Variants in SUMF1 observed in about 807,000 individuals in gnomAD.
SUMF1 encodes the protein sulfatase modifying factor 1.
Under a neutral mutation model 47.6 loss-of-function variants are expected in SUMF1, and 48 were observed. The ratio of observed to expected loss-of-function variants is 1.01; its 90% CI spans 0.80 to 1.28. The LOEUF is 1.28. Ranked by LOEUF, SUMF1 falls within the 50% of genes most tolerant of loss-of-function variation. The pLI is 0.00. For synonymous variants in SUMF1, 230 were observed against 192.1 expected (o/e 1.20, Z -1.63); for missense variants, 571 against 485.4 (o/e 1.18, Z -1.66).
intron 8 of SUMF1, among the ~76,000 whole-genome samples, chr3:4,147,221 T>C (rs1228149419): frequency 1.3e-5 from 2 of 152,152 alleles, no homozygotes; most frequent in African/African-American, 4.8e-5. Context: ...TTGGTGGGAC[T>C]GTAAACTAGT....
chr3:4,224,260 G>C lies in SUMF1; in HGVS notation c.1014+152070C>G, dbSNP rs73020677. Among the ~76,000 whole-genome samples the C allele has an allele frequency of 1.9e-3, 286 of 152,194 alleles. 1 individual carries two copies. The highest frequency in any genetic ancestry group is 3.1e-3 in the Non-Finnish European group (209 of 68,002). On this transcript the variant is annotated intron_variant and NMD_transcript_variant, in intron 8 of 12. Coordinates refer to the SUMF1 transcript ENST00000448413. ...TTCGCATTACTTAGGAAAAGACCTGGAAAGGGGAGAAAAAGGCAACAACTT... is the reference window on the plus strand; with the variant it reads ...TTCGCATTACTTAGGAAAAGACCTGCAAAGGGGAGAAAAAGGCAACAACTT...
intron 4 of SUMF1, among the ~76,000 whole-genome samples, 155 bp from the exon 5 acceptor site, chr3:4,418,287 C>T (rs181689391): frequency 3.3e-5 from 5 of 152,302 alleles, no homozygotes; most frequent in East Asian, 1.9e-4. Context: ...CTACATCTGT[C>T]ATGCTCCACC....
intron 8 of SUMF1, among the ~76,000 whole-genome samples, chr3:4,093,322 C>T (rs975618146): frequency 2.6e-5 from 4 of 152,036 alleles, no homozygotes; most frequent in South Asian, 2.1e-4. Context: ...CTCTTAGGCC[C>T]AAGAAATACA....
chr3:4,284,306 G>C (rs1257062924), intron 8 of SUMF1, among the ~76,000 whole-genome samples: 1 of 151,962 alleles, frequency 6.6e-6, no homozygotes, highest in African/African-American at 2.4e-5. Flanking sequence ...CAGCTACCCG[G>C]GGGGCTGAGG....
intron 9 of SUMF1, among the ~76,000 whole-genome samples, chr3:4,045,720 T>G (rs896295714): frequency 6.6e-5 from 10 of 152,092 alleles, no homozygotes; most frequent in African/African-American, 2.2e-4. Flanking sequence ...AGCTTTACAG[T>G]TTGGAAGACT....
At chr3:4,089,642 T>G (rs1692742978) in intron 8 of SUMF1, among the ~76,000 whole-genome samples, 1 of 152,120 alleles carries the variant, frequency 6.6e-6, no homozygotes, top group Admixed American at 6.5e-5. Flanking sequence ...GAATAATATA[T>G]TAGTCATTAA....
intron 8 of SUMF1, among the ~76,000 whole-genome samples, chr3:4,122,589 C>G: frequency 6.6e-6 from 1 of 152,030 alleles, no homozygotes; most frequent in South Asian, 2.1e-4. Context: ...AAACTCATGT[C>G]CACTGATATG....
At chr3:4,237,469 A>G (rs1233775119) in intron 8 of SUMF1, among the ~76,000 whole-genome samples, 1 of 151,892 alleles carries the variant, frequency 6.6e-6, no homozygotes, top group Non-Finnish European at 1.5e-5. Context: ...CCATTTTTTA[A>G]TTGGGTTGTT....
At chr3:4,073,000 C>G (rs1281161049) in intron 8 of SUMF1, among the ~76,000 whole-genome samples, 2 of 152,140 alleles carry the variant, frequency 1.3e-5, no homozygotes, top group African/African-American at 2.4e-5. Flanking sequence ...CAAAGATATT[C>G]CTCGAGAAGA....
At chr3:4,046,556 G>T (rs1242546398) in intron 9 of SUMF1, among the ~76,000 whole-genome samples, 1 of 152,046 alleles carries the variant, frequency 6.6e-6, no homozygotes, top group African/African-American at 2.4e-5. Context: ...CACATATCCA[G>T]TCATTCAAGG....
At chr3:4,409,625 C>T (rs1237061649) in intron 7 of SUMF1, among the ~76,000 whole-genome samples, 2 of 152,280 alleles carry the variant, frequency 1.3e-5, no homozygotes, top group Non-Finnish European at 2.9e-5. Context: ...CACATCTTGC[C>T]GGTAGAGAAT....
downstream of SUMF1, among the ~76,000 whole-genome samples, chr3:4,360,348 G>A (rs146966928): frequency 6.8e-6 from 1 of 148,108 alleles, no homozygotes; most frequent in Non-Finnish European, 1.5e-5. Context: ...TTTTTCCTGA[G>A]ACAAAGTCTT....
intron 9 of SUMF1, among the ~76,000 whole-genome samples, chr3:4,048,438 G>A (rs1040165067): frequency 1.3e-5 from 2 of 152,136 alleles, no homozygotes; most frequent in Non-Finnish European, 2.9e-5. Flanking sequence ...GCTCAAAGTG[G>A]CAGAACCAGA....
chr3:4,402,522 G>C (rs187550924), intron 7 of SUMF1, among the ~76,000 whole-genome samples: 1 of 152,188 alleles, frequency 6.6e-6, no homozygotes. Context: ...GATATAGCCC[G>C]ATACTACAGT....
chr3:4,040,283 GA>G (rs1559419694), intron 9 of SUMF1, among the ~76,000 whole-genome samples: 2 of 152,114 alleles, frequency 1.3e-5, no homozygotes, highest in African/African-American at 4.8e-5. Context: ...TCAGAATGGG[GA>G]AAAGTTCTTC....
At chr3:4,265,942 A>G (rs1323196205) in intron 8 of SUMF1, among the ~76,000 whole-genome samples, 21 of 151,864 alleles carry the variant, frequency 1.4e-4, no homozygotes, top group Middle Eastern at 6.8e-3. Flanking sequence ...TCAGCTTTCT[A>G]CATATGGCTA....
chr3:4,292,897 C>T (rs938020305), intron 8 of SUMF1, among the ~76,000 whole-genome samples: 4 of 152,142 alleles, frequency 2.6e-5, no homozygotes, highest in African/African-American at 7.2e-5. Flanking sequence ...GTGTCATTAA[C>T]CCTGTAATTT....
At chr3:4,315,576 C>CA (rs900922124) in intron 8 of SUMF1, among the ~76,000 whole-genome samples, 1 of 152,132 alleles carries the variant, frequency 6.6e-6, no homozygotes, top group African/African-American at 2.4e-5. Context: ...AGGTAAGAGT[C>CA]AAAGAGTCTT....
rs541095347 is a variant in SUMF1, at chr3:4,158,944, C to T, written c.1015-90199G>A. Among the ~76,000 whole-genome samples, 38 of 151,610 alleles carry T rather than the reference C, an allele frequency of 2.5e-4. 2 individuals carry two copies. Among genetic ancestry groups the T allele is most frequent in the African/African-American group, 9.0e-4 (37 of 40,996 alleles). On this transcript the variant is annotated intron_variant and NMD_transcript_variant, in intron 8 of 12. Coordinates refer to the SUMF1 transcript ENST00000448413. ...TTTTTTTATCCACTCAGCTACTCTA[C>T]ATTTTTTGATTGGAGAATTTAGTCT...
Sources: allele counts gnomAD v4.1 joint callset (sites outside exome capture counted in the v4.1 genomes callset), GRCh38; gene constraint gnomAD v4.1.1; transcripts MANE v1.5; gene names NCBI Gene and HGNC (gene_info 2026-07-23, HGNC 2026-07-21).